TEX11: variants seen among roughly 807,000 people sequenced by gnomAD.
TEX11 encodes testis-expressed protein 11.
TEX11 carries 7 observed loss-of-function variants against 84.4 expected under a neutral mutation model. The observed-to-expected ratio is 0.08, with a 90% CI of 0.05 to 0.16. The LOEUF is 0.16. Ranked by LOEUF, TEX11 falls within the 10% of genes least tolerant of loss-of-function variation. TEX11 has a pLI of 1.00. For missense variants in TEX11, 551 were observed against 660.5 expected (o/e 0.83, Z 1.82); for synonymous variants, 264 against 222.8 (o/e 1.18, Z -1.64).
At chrX:70,727,857 T>C (rs1252059750) in intron 11 of TEX11, among the ~76,000 whole-genome samples, 3 of 111,622 alleles carry the variant, frequency 2.7e-5, no homozygotes, top group African/African-American at 9.8e-5. Flanking sequence ...AAAAGGCTGG[T>C]ATTTTGATCT....
At chrX:70,788,971 TATAGAGAGAGAG>T (rs1463362579) in intron 9 of TEX11, among the ~76,000 whole-genome samples, 9 of 18,858 alleles carry the variant, frequency 4.8e-4, no homozygotes, top group South Asian at 4.3e-3. Context: ...TATATATATA[TATAGAGAGAGAG>T]AGAGAGAGAG....
In TEX11 at chrX:70,560,113, G is replaced by T. The variant is rs1426961852; in HGVS notation, c.2141-5313C>A. Among the ~76,000 whole-genome samples, 3 of 109,672 alleles carry T rather than the reference G, an allele frequency of 2.7e-5. No individual in the cohort carries two copies. In the Admixed American group the frequency reaches 2.9e-4, roughly 11 times the overall value. On this transcript the variant is annotated intron_variant, in intron 25 of 29. Coordinates refer to ENST00000374333, the MANE Select transcript of TEX11 (RefSeq NM_031276.3). ...CTGAGCATCTTTTCCTTTGCTTGTT[G>T]ACCATTTATACATTTTTTTTGGGTG...
intron 13 of TEX11, among the ~76,000 whole-genome samples, chrX:70,720,347 C>T (rs947666502): frequency 8.2e-5 from 9 of 110,310 alleles, no homozygotes; most frequent in African/African-American, 2.6e-4. Flanking sequence ...GGAAGGGGAA[C>T]ATCACACACC....
chrX:70,891,135 G>A (rs960869031), intron 2 of TEX11, among the ~76,000 whole-genome samples: 3 of 112,136 alleles, frequency 2.7e-5, no homozygotes, highest in African/African-American at 9.7e-5. Context: ...TGCAGCTGAG[G>A]GACCTGACTG....
chrX:70,614,864 G>T (rs185615102), intron 20 of TEX11, among the ~76,000 whole-genome samples: 1,143 of 111,199 alleles, frequency 0.01, 14 homozygotes, highest in African/African-American at 0.036. Context: ...GACTCCGTTT[G>T]TTTGGGGGAA....
chrX:70,723,245 T>C (rs1161052114), intron 12 of TEX11, among the ~76,000 whole-genome samples: 4 of 111,510 alleles, frequency 3.6e-5, no homozygotes, highest in African/African-American at 9.8e-5. Flanking sequence ...CTGGAATAAA[T>C]ATGGGGAAAG....
At chrX:70,825,073 G>A (rs759034672) in intron 8 of TEX11, among the ~76,000 whole-genome samples, 12 of 111,274 alleles carry the variant, frequency 1.1e-4, no homozygotes, top group African/African-American at 3.9e-4. Flanking sequence ...CAGCACTTTA[G>A]GAGGCGGAGG....
chrX:70,528,124 G>A (rs1340644091), downstream of TEX11, among the ~76,000 whole-genome samples: 5 of 111,503 alleles, frequency 4.5e-5, no homozygotes, highest in Admixed American at 1.9e-4. Context: ...TGTTTACCTC[G>A]AAGGAGAAAA....
rs1444425248 is a variant in TEX11 at position 70,830,124 on chromosome X, A to G, written c.606+3389T>C. Among the ~76,000 whole-genome samples the G allele has an allele frequency of 4.5e-5, 5 of 111,099 alleles. No individual in the cohort carries two copies. In the East Asian group the frequency reaches 1.4e-3, roughly 31 times the overall value. On this transcript the variant is annotated intron_variant, in intron 8 of 29. Coordinates refer to ENST00000374333, the MANE Select transcript of TEX11 (RefSeq NM_031276.3). ...ATGATCTCTTGCCTATAAGAAACAC[A>G]TTTCCCCTATGAAGATACACACAGA...
intron 13 of TEX11, among the ~76,000 whole-genome samples, chrX:70,714,445 CCA>C (rs2090475404): frequency 9.0e-6 from 1 of 111,352 alleles, no homozygotes; most frequent in Admixed American, 9.5e-5. Context: ...TTGTAGGTCT[CCA>C]AGGACTTGCT....
chrX:70,840,727 G>A (rs2091437727), intron 7 of TEX11, among the ~76,000 whole-genome samples: 1 of 111,514 alleles, frequency 9.0e-6, no homozygotes, highest in Non-Finnish European at 1.9e-5. Flanking sequence ...GCTGTATTCA[G>A]GAAAGCCATC....
intron 13 of TEX11, among the ~76,000 whole-genome samples, chrX:70,698,727 AC>A (rs2090302093): frequency 3.0e-5 from 2 of 66,030 alleles, no homozygotes; most frequent in South Asian, 1.3e-3. Context: ...AGTTATGGGA[AC>A]CTCCCAGCTT....
At chrX:70,758,340 C>T (rs917545322) in intron 9 of TEX11, among the ~76,000 whole-genome samples, 7 of 111,817 alleles carry the variant, frequency 6.3e-5, no homozygotes, top group Non-Finnish European at 1.3e-4. Flanking sequence ...AGCACCACAT[C>T]GCACTTATTC....
At chrX:70,691,251 T>A (rs1339468372) in intron 13 of TEX11, among the ~76,000 whole-genome samples, 1 of 111,733 alleles carries the variant, frequency 8.9e-6, no homozygotes, top group Non-Finnish European at 1.9e-5. Flanking sequence ...GAAAATAATA[T>A]GGCAGTTTCT....
At chrX:70,828,787 G>A (rs1201695462) in intron 8 of TEX11, among the ~76,000 whole-genome samples, 1 of 110,873 alleles carries the variant, frequency 9.0e-6, no homozygotes, top group Non-Finnish European at 1.9e-5. Flanking sequence ...AACACCTCAA[G>A]GCATTTAATA....
At chrX:70,712,731 TGC>T (rs1441605344) in intron 13 of TEX11, among the ~76,000 whole-genome samples, 7 of 111,095 alleles carry the variant, frequency 6.3e-5, no homozygotes, top group Non-Finnish European at 1.3e-4. Flanking sequence ...TCATGTCATC[TGC>T]AAACAGGGAC....
chrX:70,564,120 T>C (rs1440914779), intron 25 of TEX11, among the ~76,000 whole-genome samples: 1 of 111,804 alleles, frequency 8.9e-6, no homozygotes, highest in Non-Finnish European at 1.9e-5. Flanking sequence ...TCCCAGCTAC[T>C]TGGGAGGCTG....
intron 15 of TEX11, among the ~76,000 whole-genome samples, chrX:70,675,660 C>T (rs1266839364): frequency 7.3e-5 from 8 of 109,326 alleles, no homozygotes; most frequent in East Asian, 5.7e-4. Flanking sequence ...CTCAGAGTCT[C>T]GCTCTGTTGC....
At chrX:70,812,340 G>A (rs775388264) in intron 8 of TEX11, among the ~76,000 whole-genome samples, 83 of 109,969 alleles carry the variant, frequency 7.5e-4, no homozygotes, top group Middle Eastern at 4.6e-3. Context: ...CTGAGTAGCT[G>A]GGACTACAGG....
Sources: allele counts gnomAD v4.1 joint callset (sites outside exome capture counted in the v4.1 genomes callset), GRCh38; gene constraint gnomAD v4.1.1; transcripts MANE v1.5; gene names NCBI Gene and HGNC (gene_info 2026-07-23, HGNC 2026-07-21).